The following RERE variants were observed in gnomAD, a reference collection of about 807,000 sequenced individuals.
RERE encodes the protein arginine-glutamic acid dipeptide repeats.
In RERE, 40 loss-of-function variants were observed where a neutral mutation model predicts 146.1. The ratio of observed to expected loss-of-function variants is 0.27; its 90% CI spans 0.21 to 0.36. The LOEUF is 0.36. RERE is among the 10% of genes least tolerant of loss of function. The probability of loss-of-function intolerance (pLI) is 1.00; values close to 1 mark genes in which losing one functional copy is unlikely to be tolerated. For synonymous variants in RERE, 1,003 were observed against 866.0 expected (o/e 1.16, Z -2.78); for missense variants, 1,933 against 2,138.7 (o/e 0.90, Z 1.90).
chr1:8,508,395 G>A (rs1217524726), intron 8 of RERE, among the ~76,000 whole-genome samples: 2 of 152,136 alleles, frequency 1.3e-5, no homozygotes, highest in African/African-American at 4.8e-5. Flanking sequence ...GATAGATGAC[G>A]GTGATGGCTA....
chr1:8,617,759 A>G (rs1646871638), intron 3 of RERE, among the ~76,000 whole-genome samples: 1 of 152,218 alleles, frequency 6.6e-6, no homozygotes, highest in Non-Finnish European at 1.5e-5. Flanking sequence ...GCCCTCATTT[A>G]TCTTTGCTGA....
chr1:8,808,730 T>C (rs1243123052), intron 1 of RERE, among the ~76,000 whole-genome samples: 1 of 152,140 alleles, frequency 6.6e-6, no homozygotes, highest in Non-Finnish European at 1.5e-5. Flanking sequence ...GCTTGGTAAG[T>C]TCTGAAACTT....
intron 4 of RERE, among the ~76,000 whole-genome samples, chr1:8,586,758 C>T (rs545166268): frequency 4.3e-4 from 65 of 150,912 alleles, no homozygotes; most frequent in African/African-American, 1.6e-3. Context: ...AGCTGAAAGA[C>T]AAAATAGCAT....
At chr1:8,675,664 A>G (rs986688323) in intron 1 of RERE, among the ~76,000 whole-genome samples, 1 of 152,048 alleles carries the variant, frequency 6.6e-6, no homozygotes, top group African/African-American at 2.4e-5. Flanking sequence ...CAGAGGTTGC[A>G]GCGAACTGAG....
intron 12 of RERE, chr1:8,380,974 G>A (rs1259520168): frequency 2.2e-6 from 1 of 456,544 alleles, no homozygotes; most frequent in Non-Finnish European, 4.4e-6. Context: ...AGGGACCAAT[G>A]GTTTTTCCCA....
At chr1:8,449,956 T>C (rs1045758713) in intron 11 of RERE, among the ~76,000 whole-genome samples, 4 of 152,220 alleles carry the variant, frequency 2.6e-5, no homozygotes, top group Non-Finnish European at 4.4e-5. Flanking sequence ...ACTTCTACCC[T>C]ACTCAGTCTG....
At chr1:8,807,995 G>A (rs1271420783) in intron 1 of RERE, among the ~76,000 whole-genome samples, 1 of 151,752 alleles carries the variant, frequency 6.6e-6, no homozygotes, top group African/African-American at 2.4e-5. Context: ...ATCTCCTTCA[G>A]AGGCCAGGCG....
chr1:8,790,887 A>C (rs1426943591), intron 1 of RERE, among the ~76,000 whole-genome samples: 2 of 152,190 alleles, frequency 1.3e-5, no homozygotes, highest in South Asian at 2.1e-4. Flanking sequence ...CACCCGGCCC[A>C]GGCTTTACTT....
At chr1:8,777,890 T>TAAA (rs36090225) in intron 1 of RERE, among the ~76,000 whole-genome samples, 4 of 140,744 alleles carry the variant, frequency 2.8e-5, no homozygotes, top group African/African-American at 2.6e-5. Context: ...AGTATATGGT[T>TAAA]AAAAAAAAAA....
At chr1:8,749,578 T>G (rs1192235071) in intron 1 of RERE, among the ~76,000 whole-genome samples, 1 of 152,164 alleles carries the variant, frequency 6.6e-6, no homozygotes, top group African/African-American at 2.4e-5. Context: ...CTGAGGCAAT[T>G]ATGATGAATG....
intron 7 of RERE, 75 bp from the exon 8 acceptor site, chr1:8,508,750 A>G (rs1645290222): frequency 8.3e-7 from 1 of 1,198,794 alleles, no homozygotes; most frequent in South Asian, 1.3e-5. Flanking sequence ...TTTCAAAAAA[A>G]GTAATTCTCT....
intron 8 of RERE, among the ~76,000 whole-genome samples, chr1:8,501,457 G>T (rs1388323475): frequency 3.0e-5 from 2 of 65,672 alleles, no homozygotes; most frequent in Non-Finnish European, 5.5e-5. Flanking sequence ...CCCCTACTGG[G>T]AAGTGAGGAG....
chr1:8,385,806 C>T (rs961391867), intron 12 of RERE, among the ~76,000 whole-genome samples: 6 of 133,032 alleles, frequency 4.5e-5, no homozygotes, highest in East Asian at 2.1e-4. Flanking sequence ...ACTAAAAATA[C>T]AAAAAAAAAA....
At chr1:8,469,689 A>T (rs2124140789) in intron 10 of RERE, among the ~76,000 whole-genome samples, 1 of 152,344 alleles carries the variant, frequency 6.6e-6, no homozygotes, top group East Asian at 1.9e-4. Context: ...ATTGCTCGTG[A>T]GAACATAAAG....
At position 8,356,259 on chromosome 1, in the gene RERE, C is replaced by T; in HGVS notation, c.4340-13G>A. On this transcript the variant is annotated splice_polypyrimidine_tract_variant and intron_variant, in intron 20 of 22. Coordinates refer to ENST00000400908, the MANE Select transcript of RERE (RefSeq NM_001042681.2). The surrounding 1 kb of genome is among the most constrained non-coding windows in gnomAD (Gnocchi z 5.2). ...GGGCCTGCTGAACCTAAGGAAAGGA[C>T]AAAACGCCAGATGGAGGCGGTGTGC... The T allele has an allele frequency of 6.6e-7, 1 of 1,516,100 alleles. No homozygotes were observed. Among genetic ancestry groups the T allele is most frequent in the Non-Finnish European group, 8.7e-7 (1 of 1,144,042 alleles). 93.9% of individuals were successfully genotyped at this position (1,516,100 alleles called of 1,614,324 possible).
intron 9 of RERE, among the ~76,000 whole-genome samples, chr1:8,497,033 T>TCCCTC (rs1645055458): frequency 1.3e-5 from 2 of 152,162 alleles, no homozygotes; most frequent in African/African-American, 4.8e-5. Flanking sequence ...CCTAATGCTC[T>TCCCTC]CCCTCCCCTC....
chr1:8,755,252 A>C (rs1640612144), intron 1 of RERE, among the ~76,000 whole-genome samples: 1 of 152,356 alleles, frequency 6.6e-6, no homozygotes, highest in Non-Finnish European at 1.5e-5. Context: ...TATGAAGCTA[A>C]ATACAGTCAA....
intron 1 of RERE, among the ~76,000 whole-genome samples, chr1:8,710,439 G>A (rs1639642871): frequency 6.6e-6 from 1 of 152,212 alleles, no homozygotes; most frequent in African/African-American, 2.4e-5. Context: ...AATAACATAG[G>A]TACAACATTA....
intron 17 of RERE, 48 bp from the exon 18 acceptor site, chr1:8,361,538 T>G (rs1192517513): frequency 6.3e-7 from 1 of 1,585,530 alleles, no homozygotes; most frequent in South Asian, 1.1e-5. Flanking sequence ...GGCAGAGCCC[T>G]GTCTGCTCTG....
Sources: gnomAD v4.1 joint callset for allele counts (sites outside exome capture counted in the v4.1 genomes callset) on GRCh38, gnomAD v4.1.1 for gene constraint, Gnocchi (gnomAD v3.1) non-coding constraint, MANE v1.5 for transcripts, NCBI Gene and HGNC (gene_info 2026-07-23, HGNC 2026-07-21) for gene names.